Variants in NKAIN3 observed in about 807,000 individuals in gnomAD.
The protein encoded by NKAIN3 is sodium/potassium-transporting ATPase subunit beta-1-interacting protein 3.
A neutral mutation model predicts 30.2 loss-of-function variants in NKAIN3; 25 were observed. The ratio of observed to expected loss-of-function variants is 0.83; its 90% confidence interval spans 0.60 to 1.16. The LOEUF is 1.16. Among genes scored for constraint, NKAIN3 ranks in the 50% most tolerant of loss-of-function variants. The pLI is 0.00. For synonymous variants in NKAIN3, 91 were observed against 89.6 expected, an observed-to-expected ratio of 1.02 and a Z score of -0.09; for missense variants, 225 against 254.1, an observed-to-expected ratio of 0.89 and a Z score of 0.78.
In NKAIN3 at chr8:62,413,245, T is replaced by TA. The variant is rs1432846679; in HGVS notation, c.54+164119dup. ...TGGAAAGCAGTTTGGAGATTTTTCT[T>TA]AGAGTTTAACATCTCTTTAAGGACT... On this transcript the variant is annotated intron_variant, in intron 1 of 6. Coordinates refer to ENST00000623646, the MANE Select transcript of NKAIN3 (RefSeq NM_001304533.3). Among the ~76,000 whole-genome samples the TA allele has an allele frequency of 3.3e-5, 5 of 152,338 alleles. No homozygotes were observed. The East Asian group carries it at 9.7e-4, about 29-fold the overall frequency.
At chr8:62,706,645 G>A (rs1436080592) in intron 3 of NKAIN3, among the ~76,000 whole-genome samples, 3 of 151,892 alleles carry the variant, frequency 2.0e-5, no homozygotes, top group African/African-American at 7.3e-5. Flanking sequence ...CTATCTTAAT[G>A]AAAGACTAAA....
intron 6 of NKAIN3, among the ~76,000 whole-genome samples, chr8:62,957,518 C>T (rs1399211881): frequency 6.6e-6 from 1 of 152,136 alleles, no homozygotes; most frequent in Non-Finnish European, 1.5e-5. Context: ...CTGGGACATC[C>T]ATACCATGGA....
At chr8:62,809,384 T>A (rs1158206319) in intron 4 of NKAIN3, among the ~76,000 whole-genome samples, 2 of 152,210 alleles carry the variant, frequency 1.3e-5, no homozygotes, top group Non-Finnish European at 2.9e-5. Flanking sequence ...TCACAATTTA[T>A]GTTTAGAGAT....
intron 4 of NKAIN3, among the ~76,000 whole-genome samples, chr8:62,905,191 G>C (rs775680502): frequency 3.3e-5 from 5 of 152,194 alleles, no homozygotes; most frequent in Non-Finnish European, 7.3e-5. Flanking sequence ...TGCATGCAGA[G>C]ATGTGAGAAC....
chr8:62,268,617 A>G (rs1453327671), intron 1 of NKAIN3, among the ~76,000 whole-genome samples: 2 of 152,184 alleles, frequency 1.3e-5, no homozygotes, highest in African/African-American at 2.4e-5. Context: ...TATGTTAGGT[A>G]TTGTGCATAA....
chr8:62,413,950 G>A (rs953245795), intron 1 of NKAIN3, among the ~76,000 whole-genome samples: 3 of 151,664 alleles, frequency 2.0e-5, no homozygotes, highest in African/African-American at 7.3e-5. Context: ...GACATAATAG[G>A]AACTTATTTA....
chr8:62,851,540 T>C (rs529690654), intron 4 of NKAIN3, among the ~76,000 whole-genome samples: 25 of 152,308 alleles, frequency 1.6e-4, no homozygotes, highest in Admixed American at 7.2e-4. Context: ...GTGCCGGTTT[T>C]CAAAGGGAAT....
intron 5 of NKAIN3, among the ~76,000 whole-genome samples, chr8:62,927,722 GT>G (rs1367144409): frequency 1.3e-5 from 2 of 152,124 alleles, no homozygotes; most frequent in Non-Finnish European, 2.9e-5. Context: ...TGCTTTTGGA[GT>G]GATGAGCTGT....
intron 1 of NKAIN3, among the ~76,000 whole-genome samples, chr8:62,565,164 T>A (rs1347528670): frequency 6.6e-6 from 1 of 152,166 alleles, no homozygotes; most frequent in East Asian, 1.9e-4. Context: ...GGATATACAC[T>A]ATTTTATGGG....
chr8:62,823,675 A>T (rs1026134021), intron 4 of NKAIN3, among the ~76,000 whole-genome samples: 4 of 152,158 alleles, frequency 2.6e-5, no homozygotes, highest in Admixed American at 6.6e-5. Flanking sequence ...ATGCAGCTCA[A>T]GTGTAGGAGT....
intron 5 of NKAIN3, chr8:62,990,127 A>T: frequency 1.1e-6 from 1 of 932,406 alleles, no homozygotes; most frequent in Middle Eastern, 3.0e-4. Flanking sequence ...GATCAATTTA[A>T]ATGTTGATAT....
chr8:62,731,904 T>C (rs1471667972), intron 3 of NKAIN3, among the ~76,000 whole-genome samples: 1 of 152,114 alleles, frequency 6.6e-6, no homozygotes, highest in Non-Finnish European at 1.5e-5. Flanking sequence ...TAGGAAACCC[T>C]ACATAAGACA....
chr8:62,788,365 G>A lies in NKAIN3; in HGVS notation c.471+41236G>A, dbSNP rs547928245. On this transcript the variant is annotated intron_variant, in intron 4 of 6. Transcript: ENST00000623646. ...TGAGAAGTGTCTGTTCATATCCTTC[G>A]CCCACTTTTTGATGGGGTTGTTTTT... is the stretch of plus-strand genomic sequence containing the variant. Among the ~76,000 whole-genome samples, 321 of 152,080 alleles carry A rather than the reference G, an allele frequency of 2.1e-3. 2 individuals carry two copies. Among genetic ancestry groups the A allele is most frequent in the African/African-American group, 7.1e-3 (294 of 41,464 alleles).
At chr8:62,611,411 T>C (rs1811284923) in intron 3 of NKAIN3, among the ~76,000 whole-genome samples, 1 of 152,196 alleles carries the variant, frequency 6.6e-6, no homozygotes, top group African/African-American at 2.4e-5. Flanking sequence ...TTTTAAACTA[T>C]TGTTTGTACT....
chr8:62,587,306 G>A (rs2130093996), intron 2 of NKAIN3, among the ~76,000 whole-genome samples: 1 of 151,960 alleles, frequency 6.6e-6, no homozygotes, highest in East Asian at 1.9e-4. Context: ...TTTATTAGAA[G>A]AAACTTGTAA....
At chr8:62,373,445 A>G (rs1816970769) in intron 1 of NKAIN3, among the ~76,000 whole-genome samples, 2 of 152,180 alleles carry the variant, frequency 1.3e-5, no homozygotes, top group Non-Finnish European at 2.9e-5. Context: ...ATATTTTTGG[A>G]TACCTTTATT....
chr8:62,416,891 C>T (rs1804462354), intron 1 of NKAIN3, among the ~76,000 whole-genome samples: 1 of 151,666 alleles, frequency 6.6e-6, no homozygotes. Context: ...ACTTGGGAGG[C>T]CGAGGCAGGA....
At chr8:62,606,807 T>G (rs1811145418) in intron 3 of NKAIN3, among the ~76,000 whole-genome samples, 1 of 152,174 alleles carries the variant, frequency 6.6e-6, no homozygotes. Flanking sequence ...AGTATTAGTT[T>G]GAGAAGATAC....
chr8:62,623,894 C>T (rs538180292), intron 3 of NKAIN3, among the ~76,000 whole-genome samples: 25 of 152,108 alleles, frequency 1.6e-4, no homozygotes, highest in African/African-American at 6.0e-4. Context: ...GTGTGAGTTA[C>T]TCAACTGATT....
Sources: gnomAD v4.1 joint callset for allele counts (sites outside exome capture counted in the v4.1 genomes callset) on GRCh38, gnomAD v4.1.1 for gene constraint, MANE v1.5 for transcripts, NCBI Gene and HGNC (gene_info 2026-07-23, HGNC 2026-07-21) for gene names.